Variants in WDR45B observed in about 807,000 individuals in gnomAD.
WDR45B encodes the protein WD repeat domain phosphoinositide-interacting protein 3.
WDR45B carries 20 observed loss-of-function variants against 44.6 expected under a neutral mutation model. The ratio of observed to expected loss-of-function variants is 0.45; its 90% confidence interval spans 0.32 to 0.65. WDR45B has a LOEUF of 0.65. Ranked by LOEUF, WDR45B falls within the 30% of genes least tolerant of loss-of-function variation. The pLI, the probability that WDR45B is intolerant of heterozygous loss-of-function variation, is 0.05. For synonymous variants in WDR45B, 169 were observed against 164.9 expected, an observed-to-expected ratio of 1.02 and a Z score of -0.19; for missense variants, 323 against 430.2, an observed-to-expected ratio of 0.75 and a Z score of 2.20.
At chr17:82,643,433 G>A (rs187020615) in intron 2 of WDR45B, among the ~76,000 whole-genome samples, 1 of 150,986 alleles carries the variant, frequency 6.6e-6, no homozygotes, top group Non-Finnish European at 1.5e-5. Context: ...ATCCCGTCTC[G>A]GAAGAAGGAA....
chr17:82,639,188 T>C (rs983380436), intron 2 of WDR45B, among the ~76,000 whole-genome samples: 2 of 152,026 alleles, frequency 1.3e-5, no homozygotes, highest in African/African-American at 4.8e-5. Flanking sequence ...TTCTCTACTT[T>C]CTTTTTCCTT....
At chr17:82,626,558 A>G (rs936374561) in intron 4 of WDR45B, among the ~76,000 whole-genome samples, 9 of 149,500 alleles carry the variant, frequency 6.0e-5, no homozygotes, top group Admixed American at 5.4e-4. Context: ...AAAAAAAAAA[A>G]GGGCAGGGAG....
intron 2 of WDR45B, among the ~76,000 whole-genome samples, chr17:82,640,416 T>G (rs1257193307): frequency 6.6e-6 from 1 of 151,488 alleles, no homozygotes; most frequent in Non-Finnish European, 1.5e-5. Flanking sequence ...AGTGGCGAGA[T>G]CTCGGCTCAC....
intron 2 of WDR45B, among the ~76,000 whole-genome samples, chr17:82,634,792 C>G (rs1318941357): frequency 6.6e-6 from 1 of 151,986 alleles, no homozygotes; most frequent in Non-Finnish European, 1.5e-5. Context: ...GTCTCAAACT[C>G]CTGGCCTCAA....
chr17:82,617,333 A>T lies in WDR45B; in HGVS notation c.769T>A (p.Phe257Ile). The T allele has an allele frequency of 6.2e-7, 1 of 1,613,852 alleles. No homozygotes were observed. Among genetic ancestry groups the T allele is most frequent in the Non-Finnish European group, 8.5e-7 (1 of 1,180,010 alleles). The change falls in exon 8 of 10, where the codon TTT (phenylalanine) becomes ATT (isoleucine). Residue 257 changes from phenylalanine to isoleucine, a missense_variant. Coordinates refer to ENST00000392325, the MANE Select transcript of WDR45B (RefSeq NM_019613.4). The part of the protein sequence containing the change: ...VSSDHGTVHI[F>I]AAEDPKRNKQ... ...TTCCTTTTTGGATCTTCAGCTGCAA[A>T]AATATGCACTGTGCCGTGGTCGCTG...
intron 7 of WDR45B, among the ~76,000 whole-genome samples, chr17:82,618,666 C>A (rs557724787): frequency 6.6e-6 from 1 of 151,950 alleles, no homozygotes. Flanking sequence ...GGGCCCAGGT[C>A]GAGGCTGTAG....
chr17:82,631,665 G>A lies in WDR45B; in HGVS notation c.143-643C>T, dbSNP rs535965012. 1.5e-4 allele frequency among the ~76,000 whole-genome samples: 22 copies of A among 147,318 alleles called. No homozygotes were observed. The South Asian group carries it at 4.8e-3, about 32-fold the overall frequency. On this transcript the variant is annotated intron_variant, in intron 2 of 9. Coordinates refer to ENST00000392325, the MANE Select transcript of WDR45B (RefSeq NM_019613.4). ...AGGTGACTGGCTAAAAAAATAGTGA[G>A]TGCTAGGTTTCCAAATTCTCTCAGT...
intron 2 of WDR45B, among the ~76,000 whole-genome samples, chr17:82,632,669 T>C (rs1376723090): frequency 6.6e-6 from 1 of 152,122 alleles, no homozygotes; most frequent in Non-Finnish European, 1.5e-5. Context: ...CCATGAGCTC[T>C]ATCTCTCCAG....
intron 4 of WDR45B, among the ~76,000 whole-genome samples, chr17:82,626,504 G>C (rs985825313): frequency 2.4e-5 from 3 of 123,692 alleles, no homozygotes; most frequent in East Asian, 5.1e-4. Flanking sequence ...CTGCACTCCA[G>C]TCTGGCAACA....
intron 6 of WDR45B, among the ~76,000 whole-genome samples, chr17:82,619,528 C>T (rs1299146823): frequency 6.7e-6 from 1 of 149,664 alleles, no homozygotes; most frequent in African/African-American, 2.5e-5. Flanking sequence ...CTAGGAAAAG[C>T]AGCACGGGAA....
In WDR45B at chr17:82,625,499, T is replaced by C; in HGVS notation, c.333-16A>G. 1.9e-6 allele frequency: 3 copies of C among 1,612,390 alleles called. No homozygotes were observed. Among genetic ancestry groups the C allele is most frequent in the Non-Finnish European group, 8.5e-7 (1 of 1,178,428 alleles). ...CACCACAATTCTGGAAAGAAAAACA[T>C]GATCAGAGTTGCTTTCCTCAAGAGT... is the stretch of plus-strand genomic sequence containing the variant. On this transcript the variant is annotated splice_polypyrimidine_tract_variant and intron_variant, in intron 4 of 9. Transcript: ENST00000392325.
At chr17:82,629,112 A>T (rs2045736111) in intron 3 of WDR45B, among the ~76,000 whole-genome samples, 1 of 152,246 alleles carries the variant, frequency 6.6e-6, no homozygotes, top group Non-Finnish European at 1.5e-5. Flanking sequence ...TAAGTCTGTG[A>T]AGTTTCTAAG....
Position 82,619,125 on chromosome 17 carries a change from T to C in WDR45B, c.622A>G (p.Thr208Ala), listed in dbSNP as rs1487396601. 1 of 1,614,028 alleles carries C rather than the reference T, an allele frequency of 6.2e-7. No homozygotes were observed. Among genetic ancestry groups the C allele is most frequent in the Non-Finnish European group, 8.5e-7 (1 of 1,179,906 alleles). Reference protein sequence around the residue: ...TRIATASEKGTLIRIFDTSSG... With the variant: ...TRIATASEKGALIRIFDTSSG... ...GAAGTATCAAATATTCTTATAAGCGTCCCCTTTGAAAAACAGTGAAGTGTT... is the reference window on the plus strand; with the variant it reads ...GAAGTATCAAATATTCTTATAAGCGCCCCCTTTGAAAAACAGTGAAGTGTT... The change falls in exon 7 of 10, where the codon ACG becomes GCG. Residue 208 changes from threonine (T) to alanine (A), a missense_variant. Thr to Ala is a moderately conservative substitution (Grantham distance 58). Coordinates refer to ENST00000392325, the MANE Select transcript of WDR45B (RefSeq NM_019613.4).
rs1005411133 is a variant in WDR45B, at chr17:82,633,097, A to G, written c.143-2075T>C. Among the ~76,000 whole-genome samples, 3 of 147,932 alleles carry G rather than the reference A, an allele frequency of 2.0e-5. No homozygotes were observed. The Admixed American group carries it at 2.1e-4, about 10-fold the overall frequency. On this transcript the variant is annotated intron_variant, in intron 2 of 9. Coordinates refer to ENST00000392325, the MANE Select transcript of WDR45B (RefSeq NM_019613.4). ...AGAATCGCTTGAGCCCGGGAGGCAG[A>G]GGTTGCAGTGAGCAAGGATTGCACC...
chr17:82,642,214 C>A (rs913438001), intron 2 of WDR45B, among the ~76,000 whole-genome samples: 10 of 152,064 alleles, frequency 6.6e-5, no homozygotes, highest in Non-Finnish European at 1.0e-4. Flanking sequence ...CACAGCAGGA[C>A]GCAAGCAGCA....
At chr17:82,618,437 A>G (rs746693957) in intron 7 of WDR45B, among the ~76,000 whole-genome samples, 2 of 152,200 alleles carry the variant, frequency 1.3e-5, no homozygotes, top group Non-Finnish European at 1.5e-5. Context: ...AGACAAACCA[A>G]CATGGTCTCC....
At chr17:82,627,996 T>C (rs937288323) in intron 3 of WDR45B, among the ~76,000 whole-genome samples, 2 of 152,212 alleles carry the variant, frequency 1.3e-5, no homozygotes, top group African/African-American at 4.8e-5. Flanking sequence ...TTCCTCTTTT[T>C]CTGTTTTTCT....
intron 2 of WDR45B, among the ~76,000 whole-genome samples, chr17:82,637,608 T>A (rs2045850297): frequency 6.6e-6 from 1 of 151,958 alleles, no homozygotes; most frequent in Non-Finnish European, 1.5e-5. Context: ...CAAGTTGGGG[T>A]TCCCGTGACC....
intron 2 of WDR45B, among the ~76,000 whole-genome samples, chr17:82,634,864 G>T (rs899556932): frequency 5.9e-5 from 9 of 151,980 alleles, no homozygotes; most frequent in African/African-American, 2.2e-4. Flanking sequence ...GCGGTACCCG[G>T]CCTGAAGTTC....
Sources: allele counts gnomAD v4.1 joint callset (sites outside exome capture counted in the v4.1 genomes callset), GRCh38; gene constraint gnomAD v4.1.1; transcripts MANE v1.5; gene names NCBI Gene and HGNC (gene_info 2026-07-23, HGNC 2026-07-21).